RGMA: variants seen among roughly 807,000 people sequenced by gnomAD.
RGMA encodes repulsive guidance molecule A.
A neutral mutation model predicts 23.2 loss-of-function variants in RGMA; 10 were observed. That is an observed-to-expected ratio of 0.43 (90% CI 0.27 to 0.73). The LOEUF is 0.73. Ranked by LOEUF, RGMA falls within the 30% of genes least tolerant of loss-of-function variation. The probability of loss-of-function intolerance (pLI) is 0.20; values close to 1 mark genes in which losing one functional copy is unlikely to be tolerated. For synonymous variants in RGMA, 308 were observed against 279.3 expected (o/e 1.10, Z -1.03); for missense variants, 547 against 630.5 (o/e 0.87, Z 1.42).
chr15:93,051,956 G>A (rs1309404473), intron 3 of RGMA, 37 bp downstream of exon 3: 1 of 1,545,710 alleles, frequency 6.5e-7, no homozygotes, highest in Non-Finnish European at 8.7e-7. Flanking sequence ...GAGACAAAGG[G>A]CAGGGCTGTG....
chr15:93,073,246 G>T, intron 1 of RGMA: 1 of 1,060,652 alleles, frequency 9.4e-7, no homozygotes, highest in East Asian at 4.2e-5. Context: ...CCGCGCCCCA[G>T]CCGCCTGCGC....
chr15:93,070,754 C>T (rs1486534270), intron 2 of RGMA, among the ~76,000 whole-genome samples: 2 of 152,152 alleles, frequency 1.3e-5, no homozygotes, highest in Non-Finnish European at 2.9e-5. Context: ...AGCCAGCTGG[C>T]GTGACAGGAG....
At chr15:93,078,801 G>A (rs991065604) in intron 1 of RGMA, among the ~76,000 whole-genome samples, 8 of 152,284 alleles carry the variant, frequency 5.3e-5, no homozygotes, top group African/African-American at 1.7e-4. Flanking sequence ...TTCCAATATC[G>A]TTTCTGACAG....
At chr15:93,088,410 C>G (rs1225294268) in intron 1 of RGMA, 26 of 985,608 alleles carry the variant, frequency 2.6e-5, no homozygotes, top group Non-Finnish European at 2.7e-5. Context: ...TTCCCGTACG[C>G]CGGCGCGCCG....
chr15:93,085,823 T>C (rs1301776852), intron 1 of RGMA, among the ~76,000 whole-genome samples: 1 of 152,222 alleles, frequency 6.6e-6, no homozygotes, highest in African/African-American at 2.4e-5. Flanking sequence ...ACAGCACTTC[T>C]ACTCACAGGA....
intron 1 of RGMA, among the ~76,000 whole-genome samples, chr15:93,077,715 T>C (rs192027431): frequency 8.9e-4 from 136 of 152,266 alleles, no homozygotes; most frequent in African/African-American, 3.2e-3. Context: ...GGACGTGACA[T>C]AGTGTGTGTG....
chr15:93,068,924 C>T (rs898135303), intron 2 of RGMA, among the ~76,000 whole-genome samples: 39 of 152,306 alleles, frequency 2.6e-4, no homozygotes, highest in African/African-American at 9.4e-4. Flanking sequence ...AATCTGCCAG[C>T]ACCTATCACT....
At position 93,045,440 on chromosome 15, in the gene RGMA, A is replaced by AC. The variant is rs755913188; in HGVS notation, c.910dup (p.Val304GlyfsTer32). ...GAGACCCTGGCTGTCCCAGTCCTCC[A>AC]CAGCATTGACCACTTCCTCTGGCAT... On this transcript the variant is annotated frameshift_variant, in exon 4 of 4. Coordinates refer to ENST00000329082, the MANE Select transcript of RGMA (RefSeq NM_020211.3). LOFTEE classifies it low-confidence loss of function (END_TRUNC). This position sits in a 1 kb window ranked among gnomAD's most constrained non-coding sequence, Gnocchi z 6.9. The AC allele has an allele frequency of 6.2e-7, 1 of 1,613,164 alleles. No homozygotes were observed. The highest frequency in any genetic ancestry group is 8.5e-7 in the Non-Finnish European group (1 of 1,179,770).
Position 93,051,627 on chromosome 15 carries a change from C to T in RGMA, c.645+366G>A, listed in dbSNP as rs554307687. 8.7e-4 allele frequency among the ~76,000 whole-genome samples: 132 copies of T among 152,342 alleles called. 1 individual carries two copies. Among genetic ancestry groups the T allele is most frequent in the African/African-American group, 2.7e-3 (114 of 41,592 alleles). ...TCCTTGGGTTTGAAAACCAGCAGCC[C>T]GCAGTGGCCTCGTGGGGCCGCTCAG... On this transcript the variant is annotated intron_variant, in intron 3 of 3. Coordinates refer to ENST00000329082, the MANE Select transcript of RGMA (RefSeq NM_020211.3).
chr15:93,067,307 G>C (rs1318888869), intron 2 of RGMA, among the ~76,000 whole-genome samples: 1 of 152,068 alleles, frequency 6.6e-6, no homozygotes, highest in African/African-American at 2.4e-5. Flanking sequence ...TGTGGTCTTT[G>C]CCCATTGAGC....
chr15:93,054,556 G>A (rs547525547), intron 2 of RGMA, among the ~76,000 whole-genome samples: 18 of 152,298 alleles, frequency 1.2e-4, no homozygotes, highest in Non-Finnish European at 2.2e-4. Context: ...CTGCTGCCAC[G>A]TAAGATGTGC....
chr15:93,071,160 T>G (rs936211343), intron 2 of RGMA, among the ~76,000 whole-genome samples: 1 of 152,244 alleles, frequency 6.6e-6, no homozygotes, highest in Non-Finnish European at 1.5e-5. Flanking sequence ...AAGCCATTTA[T>G]CAACCCATCT....
chr15:93,054,116 G>A (rs1048529194), intron 2 of RGMA, among the ~76,000 whole-genome samples: 2 of 151,446 alleles, frequency 1.3e-5, no homozygotes, highest in Admixed American at 1.3e-4. Flanking sequence ...TGTAATCCCA[G>A]CTACTCGGGA....
chr15:93,081,839 A>T (rs1000213947), intron 1 of RGMA, among the ~76,000 whole-genome samples: 7 of 152,238 alleles, frequency 4.6e-5, no homozygotes, highest in African/African-American at 1.7e-4. Flanking sequence ...AGGTGGGGAA[A>T]AGTGCCAATC....
At chr15:93,066,134 GCACCTCCCC>G in intron 2 of RGMA, 1 of 1,361,346 alleles carries the variant, frequency 7.3e-7, no homozygotes. Context: ...CCCTTCACGG[GCACCTCCCC>G]GGGCCCAGTT....
intron 2 of RGMA, among the ~76,000 whole-genome samples, chr15:93,057,589 G>C (rs1046719190): frequency 2.6e-5 from 4 of 152,134 alleles, no homozygotes; most frequent in African/African-American, 9.7e-5. Context: ...TCCTAGGCTG[G>C]GGTATTTTCT....
chr15:93,076,596 A>G (rs1414375429), intron 1 of RGMA, among the ~76,000 whole-genome samples: 1 of 152,234 alleles, frequency 6.6e-6, no homozygotes, highest in Non-Finnish European at 1.5e-5. Flanking sequence ...TTTACCAAAA[A>G]AGGTGGTGTC....
chr15:93,087,520 T>C (rs1049779824), intron 1 of RGMA, among the ~76,000 whole-genome samples: 1 of 150,382 alleles, frequency 6.6e-6, no homozygotes, highest in African/African-American at 2.4e-5. Flanking sequence ...ATTCTGTTCC[T>C]GCACAAATGG....
Position 93,045,213 on chromosome 15 carries a change from A to G in RGMA, c.1138T>C (p.Phe380Leu). ...VEDLYYQACV[F>L]DLLTTGDVNF... ...ACGTCGCCCGTGGTGAGGAGGTCGA[A>G]GACGCAGGCCTGGTAGTACAGGTCC... The change falls in exon 4 of 4, where the codon TTC becomes CTC. Residue 380 changes from phenylalanine to leucine, a missense_variant. Phe to Leu is a conservative substitution (Grantham distance 22). Transcript: ENST00000329082. The surrounding 1 kb of genome is among the most constrained non-coding windows in gnomAD (Gnocchi z 6.9). 1 of 1,612,074 alleles carries G rather than the reference A, an allele frequency of 6.2e-7. No individual in the cohort carries two copies. The highest frequency in any genetic ancestry group is 8.5e-7 in the Non-Finnish European group (1 of 1,179,280).
Sources: gnomAD v4.1 joint callset for allele counts (sites outside exome capture counted in the v4.1 genomes callset) on GRCh38, gnomAD v4.1.1 for gene constraint, Gnocchi (gnomAD v3.1) non-coding constraint, MANE v1.5 for transcripts, NCBI Gene and HGNC (gene_info 2026-07-23, HGNC 2026-07-21) for gene names.